Variants in TOX3 observed in about 807,000 individuals in gnomAD.
The protein encoded by TOX3 is CAG trinucleotide repeat-containing gene F9 protein.
Under a neutral mutation model 64.3 loss-of-function variants are expected in TOX3, and 22 were observed. The observed-to-expected ratio is 0.34, with a 90% CI of 0.24 to 0.49. The LOEUF (loss-of-function observed/expected upper bound fraction) is 0.49, where lower values mean the gene tolerates loss of function less well. Among genes scored for constraint, TOX3 ranks in the 20% least tolerant of loss-of-function variants. TOX3 has a pLI of 0.99. For synonymous variants in TOX3, 291 were observed against 273.6 expected, an observed-to-expected ratio of 1.06 and a Z score of -0.63; for missense variants, 661 against 714.4, an observed-to-expected ratio of 0.93 and a Z score of 0.85.
At chr16:52,460,792 T>C (rs1259277120) in intron 3 of TOX3, among the ~76,000 whole-genome samples, 1 of 152,156 alleles carries the variant, frequency 6.6e-6, no homozygotes, top group Non-Finnish European at 1.5e-5. Context: ...CTGCTCTCTC[T>C]CAAGCCTCTA....
At chr16:52,503,674 G>C (rs4784222) in intron 1 of TOX3, among the ~76,000 whole-genome samples, 62,687 of 151,948 alleles carry the variant, frequency 0.41, 13,770 homozygotes, top group East Asian at 0.58. Context: ...GTTTTCCAGG[G>C]AAAATTCTAT....
At chr16:52,486,846 G>A (rs925077683) in intron 1 of TOX3, among the ~76,000 whole-genome samples, 1 of 152,038 alleles carries the variant, frequency 6.6e-6, no homozygotes, top group African/African-American at 2.4e-5. Context: ...TGAGACGGGG[G>A]TATCACTTGA....
chr16:52,474,086 AC>A (rs1190799502), intron 1 of TOX3, among the ~76,000 whole-genome samples: 4 of 152,084 alleles, frequency 2.6e-5, no homozygotes, highest in African/African-American at 4.8e-5. Flanking sequence ...TATGTCCAAA[AC>A]TGAATTCCTC....
chr16:52,446,512 C>CTA (rs1054909914), intron 4 of TOX3, among the ~76,000 whole-genome samples: 2 of 152,116 alleles, frequency 1.3e-5, no homozygotes, highest in African/African-American at 4.8e-5. Context: ...CCAGGCAATG[C>CTA]TATATATATG....
chr16:52,458,256 C>T (rs188440317), intron 3 of TOX3, among the ~76,000 whole-genome samples: 309 of 152,160 alleles, frequency 2.0e-3, no homozygotes, highest in Admixed American at 2.5e-3. Flanking sequence ...GGCCCAGGGA[C>T]GACACCAAAC....
chr16:52,536,283 G>C (rs968635457), intron 1 of TOX3, among the ~76,000 whole-genome samples: 1 of 151,896 alleles, frequency 6.6e-6, no homozygotes, highest in Admixed American at 6.6e-5. Flanking sequence ...TAGAGAGATG[G>C]GGAAAAGGAT....
chr16:52,465,005 C>CT (rs1168498170), intron 2 of TOX3, among the ~76,000 whole-genome samples: 5,250 of 70,440 alleles, frequency 0.075, 1,455 homozygotes, highest in African/African-American at 0.094. Flanking sequence ...TTAATGCATT[C>CT]TTTTTTTTTT....
At position 52,439,149 on chromosome 16, in the gene TOX3, AG is replaced by A; in HGVS notation, c.*75del. The A allele has an allele frequency of 6.3e-7, 1 of 1,595,794 alleles. No homozygotes were observed. Among genetic ancestry groups the A allele is most frequent in the Non-Finnish European group, 8.5e-7 (1 of 1,170,256 alleles). On this transcript the variant is annotated 3_prime_UTR_variant, in exon 7 of 7. Transcript: ENST00000219746. ...TTCTGCATAACCAACACCAACTTAC[AG>A]GTTTCAGCCACATATGCTTTTCCCT... is the stretch of plus-strand genomic sequence containing the variant.
chr16:52,542,229 C>T lies in TOX3; in HGVS notation c.87+4408G>A, dbSNP rs567774795. Among the ~76,000 whole-genome samples the T allele has an allele frequency of 5.9e-5, 9 of 152,244 alleles. No individual in the cohort carries two copies. The South Asian group carries it at 8.3e-4, about 14-fold the overall frequency. Reference sequence around the variant, plus strand: ...TTCACAGGTGTCACAAATTTCTTTACGCAGCTCTACTCCATTCTATTGAAC... The same window carrying T: ...TTCACAGGTGTCACAAATTTCTTTATGCAGCTCTACTCCATTCTATTGAAC... On this transcript the variant is annotated intron_variant, in intron 1 of 6. Transcript: ENST00000219746.
At chr16:52,453,543 C>T (rs1960422700) in intron 3 of TOX3, among the ~76,000 whole-genome samples, 1 of 152,144 alleles carries the variant, frequency 6.6e-6, no homozygotes, top group Non-Finnish European at 1.5e-5. Flanking sequence ...AAAGTATCTA[C>T]AGGCAAATTC....
intron 1 of TOX3, among the ~76,000 whole-genome samples, chr16:52,538,114 G>T (rs943562835): frequency 4.6e-5 from 7 of 151,946 alleles, no homozygotes; most frequent in African/African-American, 1.7e-4. Context: ...ATTTTTATTA[G>T]AATTTTTAAA....
At chr16:52,507,320 G>T (rs1567341158) in intron 1 of TOX3, among the ~76,000 whole-genome samples, 1 of 152,192 alleles carries the variant, frequency 6.6e-6, no homozygotes. Context: ...CACCATTTTG[G>T]TAGGCCAAGG....
chr16:52,519,354 T>G, intron 1 of TOX3: 1 of 1,504,810 alleles, frequency 6.6e-7, no homozygotes, highest in Non-Finnish European at 9.0e-7. Flanking sequence ...AGACACTATC[T>G]GGTTAGCCTG....
intron 1 of TOX3, among the ~76,000 whole-genome samples, chr16:52,490,953 T>C (rs184431406): frequency 2.3e-4 from 35 of 152,264 alleles, no homozygotes; most frequent in African/African-American, 8.4e-4. Flanking sequence ...TAACACAGTA[T>C]GCCAAGGCAT....
At chr16:52,456,336 G>A (rs921579323) in intron 3 of TOX3, among the ~76,000 whole-genome samples, 3 of 152,138 alleles carry the variant, frequency 2.0e-5, no homozygotes, top group African/African-American at 7.2e-5. Flanking sequence ...TCTGTGTTTC[G>A]AAGAATACCC....
chr16:52,453,616 A>G (rs1960425363), intron 3 of TOX3, among the ~76,000 whole-genome samples: 1 of 152,230 alleles, frequency 6.6e-6, no homozygotes, highest in Admixed American at 6.5e-5. Context: ...GTTAACTGGT[A>G]TGGTCATGAA....
chr16:52,537,878 T>TAAAAAAAAAAAAAAAAA (rs57403617), intron 1 of TOX3, among the ~76,000 whole-genome samples: 4 of 111,034 alleles, frequency 3.6e-5, no homozygotes, highest in African/African-American at 6.6e-5. Flanking sequence ...GCTGATATGA[T>TAAAAAAAAAAAAAAAAA]AAAAAAAAAA....
intron 3 of TOX3, among the ~76,000 whole-genome samples, chr16:52,454,531 A>G (rs1187031273): frequency 1.3e-5 from 2 of 152,218 alleles, no homozygotes; most frequent in Non-Finnish European, 2.9e-5. Context: ...ATTAATGGCT[A>G]AAGTGTCTCT....
chr16:52,518,061 G>A (rs897892306), intron 1 of TOX3, among the ~76,000 whole-genome samples: 31 of 151,844 alleles, frequency 2.0e-4, no homozygotes, highest in Admixed American at 1.6e-3. Flanking sequence ...GAAACATCCC[G>A]CATAAGATCT....
Sources: gnomAD v4.1 joint callset for allele counts (sites outside exome capture counted in the v4.1 genomes callset) on GRCh38, gnomAD v4.1.1 for gene constraint, MANE v1.5 for transcripts, NCBI Gene and HGNC (gene_info 2026-07-23, HGNC 2026-07-21) for gene names.